Variants in HTT observed in about 807,000 individuals in gnomAD.
HTT encodes the protein huntingtin.
HTT carries 104 observed loss-of-function variants against 362.3 expected under a neutral mutation model. The ratio of observed to expected loss-of-function variants is 0.29; its 90% CI spans 0.24 to 0.34. The LOEUF (loss-of-function observed/expected upper bound fraction) is 0.34. HTT is among the 10% of genes least tolerant of loss of function. The pLI is 1.00. For synonymous variants in HTT, 1,577 were observed against 1,548.7 expected (o/e 1.02, Z -0.43); for missense variants, 3,301 against 3,928.6 (o/e 0.84, Z 4.27).
intron 59 of HTT, among the ~76,000 whole-genome samples, chr4:3,229,317 CA>C (rs1476589454): frequency 7.0e-5 from 10 of 143,796 alleles, no homozygotes; most frequent in African/African-American, 2.1e-4. Flanking sequence ...CACACACACA[CA>C]CACCACACAC....
intron 27 of HTT, 50 bp downstream of exon 27, chr4:3,154,469 G>A (rs1421853870): frequency 1.9e-6 from 3 of 1,591,016 alleles, no homozygotes; most frequent in Non-Finnish European, 2.6e-6. Context: ...CATCTGTCAT[G>A]TAGAAACATA....
chr4:3,129,859 G>A, intron 12 of HTT, 65 bp from the exon 13 acceptor site: 2 of 1,603,638 alleles, frequency 1.2e-6, no homozygotes, highest in Non-Finnish European at 1.7e-6. Context: ...GCACTTCCAT[G>A]TTGGAGGGCT....
chr4:3,106,437 T>C (rs565610827), intron 5 of HTT, among the ~76,000 whole-genome samples: 16 of 152,330 alleles, frequency 1.1e-4, no homozygotes, highest in African/African-American at 3.8e-4. Flanking sequence ...TAATCTTTTT[T>C]CTTTTACTAT....
chr4:3,109,257 G>C (rs1330322572), intron 6 of HTT, among the ~76,000 whole-genome samples: 3 of 149,530 alleles, frequency 2.0e-5, no homozygotes, highest in African/African-American at 7.4e-5. Flanking sequence ...ATGGAGTTTT[G>C]CTCTTGTTGC....
chr4:3,102,839 C>T (rs1402289754), intron 3 of HTT, among the ~76,000 whole-genome samples: 3 of 152,220 alleles, frequency 2.0e-5, no homozygotes, highest in Non-Finnish European at 4.4e-5. Context: ...AGCATCGTTA[C>T]TAGCTTGAAG....
In HTT at chr4:3,241,220, G is replaced by C. The variant is rs1721786762; in HGVS notation, c.*1161G>C. The C allele has an allele frequency of 6.6e-6, 1 of 152,456 alleles. No individual in the cohort carries two copies. The highest frequency in any genetic ancestry group is 6.5e-5 in the Admixed American group (1 of 15,290). 9.4% of individuals were successfully genotyped at this position (152,456 alleles called of 1,614,324 possible). A position where few individuals can be genotyped will look rare whatever the true frequency, so the allele number is the denominator to read the frequency against. On this transcript the variant is annotated 3_prime_UTR_variant, in exon 67 of 67. Transcript: ENST00000355072. ...GTCAACAGCAAAGCTTGGTGTCTTG[G>C]CACTGTTAGTGACAGAGCCCAGCAT...
At chr4:3,188,149 G>A in intron 39 of HTT, 4 of 332,080 alleles carry the variant, frequency 1.2e-5, no homozygotes, top group South Asian at 4.7e-5. Flanking sequence ...GGGCAGGGCA[G>A]TGGGGTGGCT....
intron 19 of HTT, among the ~76,000 whole-genome samples, chr4:3,135,301 C>T (rs918535640): frequency 6.7e-6 from 1 of 149,744 alleles, no homozygotes; most frequent in Non-Finnish European, 1.5e-5. Flanking sequence ...TTCAGCCTGG[C>T]AACAGAGTGA....
intron 54 of HTT, 112 bp downstream of exon 54, chr4:3,222,599 A>G: frequency 1.3e-6 from 1 of 760,114 alleles, no homozygotes; most frequent in Non-Finnish European, 2.1e-6. Context: ...CTCTTACCTT[A>G]TTTTTGAAAG....
chr4:3,079,267 G>GGGTT (rs1712759833), intron 1 of HTT, among the ~76,000 whole-genome samples: 1 of 140,554 alleles, frequency 7.1e-6, no homozygotes, highest in African/African-American at 2.7e-5. Flanking sequence ...TTTTTTTTTT[G>GGGTT]GGGTTGGGGG....
chr4:3,169,808 A>T (rs1174909429), intron 29 of HTT, among the ~76,000 whole-genome samples: 1 of 152,230 alleles, frequency 6.6e-6, no homozygotes, highest in Non-Finnish European at 1.5e-5. Flanking sequence ...TCCTGACCTC[A>T]GGTGATTCAT....
In HTT at chr4:3,228,279, G is replaced by A. The variant is rs1721016903; in HGVS notation, c.7849-336G>A. On this transcript the variant is annotated intron_variant, in intron 57 of 66. Transcript: ENST00000355072. The surrounding 1 kb of genome is among the most constrained non-coding windows in gnomAD (Gnocchi z 4.3). ...ACTGGAAAAGGAATCTCACGTATTGGTTCCGTGTTTTGGGGACTCCATTCA... is the reference window on the plus strand; with the variant it reads ...ACTGGAAAAGGAATCTCACGTATTGATTCCGTGTTTTGGGGACTCCATTCA... 6.6e-6 allele frequency among the ~76,000 whole-genome samples: 1 copy of A among 152,212 alleles called. No homozygotes were observed. The highest frequency in any genetic ancestry group is 1.5e-5 in the Non-Finnish European group (1 of 68,028).
intron 26 of HTT, among the ~76,000 whole-genome samples, chr4:3,153,601 G>A (rs887350301): frequency 5.3e-5 from 8 of 152,178 alleles, no homozygotes; most frequent in African/African-American, 1.9e-4. Flanking sequence ...CTCTGAGCCT[G>A]TTTCCTCTTT....
Position 3,229,944 on chromosome 4 carries a change from A to G in HTT, c.8167A>G (p.Thr2723Ala), listed in dbSNP as rs1721171845. ...ERNQFELMYVTLTELRRVHPS... is the reference protein window; with the variant it reads ...ERNQFELMYVALTELRRVHPS... ...CAACCAGTTTGAGCTGATGTATGTG[A>G]CGCTGACAGAACTGCGAAGGGTGCA... The change falls in exon 60 of 67, where the codon ACG becomes GCG. Residue 2723 changes from threonine to alanine, a missense_variant. Physicochemically the swap from Thr to Ala is moderately conservative, Grantham distance 58 (BLOSUM62 0). Coordinates refer to ENST00000355072, the MANE Select transcript of HTT (RefSeq NM_001388492.1). 6.2e-7 allele frequency: 1 copy of G among 1,614,140 alleles called. No individual in the cohort carries two copies.
At chr4:3,188,836 T>C (rs1718887418) in intron 39 of HTT, 115 bp from the exon 40 acceptor site, 4 of 1,014,474 alleles carry the variant, frequency 3.9e-6, no homozygotes, top group Middle Eastern at 3.2e-4. Context: ...TAGCGGTTAA[T>C]GTACTCTACC....
chr4:3,165,231 A>T (rs1717642122), intron 29 of HTT, among the ~76,000 whole-genome samples: 1 of 152,188 alleles, frequency 6.6e-6, no homozygotes, highest in Admixed American at 6.5e-5. Flanking sequence ...TTTTTTAAAG[A>T]ATGTTGAATA....
chr4:3,152,042 C>G (rs1245806490), intron 26 of HTT, among the ~76,000 whole-genome samples: 1 of 151,880 alleles, frequency 6.6e-6, no homozygotes, highest in Non-Finnish European at 1.5e-5. Flanking sequence ...ATCCTTCTGC[C>G]TCAGCCTTCT....
chr4:3,231,926 C>T (rs1721272639), intron 60 of HTT, among the ~76,000 whole-genome samples: 2 of 152,206 alleles, frequency 1.3e-5, no homozygotes, highest in African/African-American at 4.8e-5. Flanking sequence ...CATGGACACT[C>T]ACTCCCAGCT....
rs147426556 is a variant in HTT at position 3,118,194 on chromosome 4, G to A, written c.1068+1931G>A. On this transcript the variant is annotated intron_variant, in intron 8 of 66. Transcript: ENST00000355072. ...TGGAGGAAAAGCCTTGTCAGATTTA[G>A]TGTATATTTTATATCTGAGTCCAGT... Among the ~76,000 whole-genome samples, 597 of 152,212 alleles carry A rather than the reference G, an allele frequency of 3.9e-3. 10 individuals are homozygous for A. The highest frequency in any genetic ancestry group is 0.014 in the African/African-American group (565 of 41,536).
Sources: gnomAD v4.1 joint callset for allele counts (sites outside exome capture counted in the v4.1 genomes callset) on GRCh38, gnomAD v4.1.1 for gene constraint, Gnocchi (gnomAD v3.1) non-coding constraint, MANE v1.5 for transcripts, NCBI Gene and HGNC (gene_info 2026-07-23, HGNC 2026-07-21) for gene names.